Variants in COL25A1 observed in about 807,000 individuals in gnomAD.
COL25A1 encodes the protein collagen type XXV alpha 1 chain.
Under a neutral mutation model 128.4 loss-of-function variants are expected in COL25A1, and 103 were observed. The ratio of observed to expected loss-of-function variants is 0.80; its 90% CI spans 0.68 to 0.94. The LOEUF (loss-of-function observed/expected upper bound fraction) is 0.94, where lower values mean the gene tolerates loss of function less well. Ranked by LOEUF, COL25A1 falls within the 40% of genes least tolerant of loss-of-function variation. COL25A1 has a pLI of 0.00. For missense variants in COL25A1, 745 were observed against 840.0 expected, an observed-to-expected ratio of 0.89 and a Z score of 1.40; for synonymous variants, 279 against 277.2, an observed-to-expected ratio of 1.01 and a Z score of -0.06.
chr4:108,825,305 G>A (rs1255029694), intron 33 of COL25A1, 83 bp from the exon 34 acceptor site: 1 of 1,008,432 alleles, frequency 9.9e-7, no homozygotes, highest in African/African-American at 1.6e-5. Flanking sequence ...GTCTGAACAT[G>A]CAACACTAGT....
chr4:109,109,605 A>G (rs1560708844), intron 3 of COL25A1, among the ~76,000 whole-genome samples: 1 of 152,228 alleles, frequency 6.6e-6, no homozygotes, highest in East Asian at 1.9e-4. Context: ...TCTCCCCGCT[A>G]TCCTCTGCTT....
intron 5 of COL25A1, among the ~76,000 whole-genome samples, chr4:109,047,416 G>A (rs1351760291): frequency 6.6e-6 from 1 of 152,058 alleles, no homozygotes; most frequent in Admixed American, 6.5e-5. Flanking sequence ...TCATAAGTGG[G>A]AGCTAAGCTA....
intron 11 of COL25A1, among the ~76,000 whole-genome samples, chr4:108,924,725 T>A (rs76730752): frequency 1.1e-3 from 161 of 152,336 alleles, no homozygotes; most frequent in African/African-American, 3.8e-3. Context: ...GGTTCATACC[T>A]TTCCCATACT....
At chr4:109,156,052 G>A (rs1771997847) in intron 3 of COL25A1, among the ~76,000 whole-genome samples, 1 of 152,198 alleles carries the variant, frequency 6.6e-6, no homozygotes, top group Non-Finnish European at 1.5e-5. Context: ...TCAAGAGGCA[G>A]AACTGAGCTG....
rs762115166 is a variant in COL25A1, at chr4:109,050,186, T to C, written c.368-7A>G. 1.2e-6 allele frequency: 2 copies of C among 1,604,976 alleles called. No individual in the cohort carries two copies. Among genetic ancestry groups the C allele is most frequent in the East Asian group, 4.5e-5 (2 of 44,582 alleles). Reference sequence around the variant, plus strand: ...CCTCGTTTCCCTGGAGGGCCTGAAATACAAAGGATAATTTTTTTAGTGTAG... The same window carrying C: ...CCTCGTTTCCCTGGAGGGCCTGAAACACAAAGGATAATTTTTTTAGTGTAG... On this transcript the variant is annotated splice_region_variant and splice_polypyrimidine_tract_variant and intron_variant, in intron 3 of 37. Transcript: ENST00000399132.
chr4:108,999,062 G>C (rs556926234), intron 6 of COL25A1, among the ~76,000 whole-genome samples: 341 of 152,040 alleles, frequency 2.2e-3, no homozygotes, highest in African/African-American at 7.9e-3. Flanking sequence ...TGGGCAAAAA[G>C]TTCATGACTA....
In COL25A1 at chr4:108,982,307, G is replaced by T. The variant is rs1229239485; in HGVS notation, c.439-7748C>A. ...GACGGTGGAAATATTTCGAGAATAG[G>T]AAGGTCTAATATAGTCTACCTCTAT... On this transcript the variant is annotated intron_variant, in intron 6 of 37. Transcript: ENST00000399132. Among the ~76,000 whole-genome samples the T allele has an allele frequency of 2.6e-5, 4 of 152,152 alleles. 1 individual carries two copies. Among genetic ancestry groups the T allele is most frequent in the South Asian group, 4.1e-4 (2 of 4,826 alleles).
chr4:108,941,736 AGCAAGT>A (rs1748124348), intron 8 of COL25A1, among the ~76,000 whole-genome samples: 1 of 152,164 alleles, frequency 6.6e-6, no homozygotes, highest in Non-Finnish European at 1.5e-5. Context: ...GAAACAGGTA[AGCAAGT>A]GCACCCCTGC....
At chr4:109,176,317 G>A (rs1304274691) in intron 3 of COL25A1, among the ~76,000 whole-genome samples, 1 of 152,148 alleles carries the variant, frequency 6.6e-6, no homozygotes, top group Non-Finnish European at 1.5e-5. Context: ...TTGAACCTGG[G>A]AGGTGGAGAT....
intron 5 of COL25A1, among the ~76,000 whole-genome samples, chr4:109,036,760 T>C (rs1218010311): frequency 6.6e-6 from 1 of 152,218 alleles, no homozygotes; most frequent in Non-Finnish European, 1.5e-5. Flanking sequence ...GTGAAAGATA[T>C]ATACATTCAG....
chr4:109,076,577 G>A (rs1281013024), intron 3 of COL25A1, among the ~76,000 whole-genome samples: 1 of 152,130 alleles, frequency 6.6e-6, no homozygotes, highest in African/African-American at 2.4e-5. Flanking sequence ...TTTTGTAGAA[G>A]AGAATTTTTC....
intron 32 of COL25A1, among the ~76,000 whole-genome samples, chr4:108,828,023 A>G (rs114752314): frequency 1.4e-3 from 209 of 152,282 alleles, no homozygotes; most frequent in Non-Finnish European, 1.5e-3. Flanking sequence ...TGTTCCCTAT[A>G]GCATCCTTAC....
intron 3 of COL25A1, among the ~76,000 whole-genome samples, chr4:109,172,765 C>G (rs561795628): frequency 1.3e-5 from 2 of 152,298 alleles, no homozygotes; most frequent in East Asian, 3.9e-4. Context: ...ATACAATGTT[C>G]TGTGTGCCTT....
chr4:109,267,359 C>A (rs1240536391), intron 3 of COL25A1, among the ~76,000 whole-genome samples: 2 of 152,012 alleles, frequency 1.3e-5, no homozygotes, highest in Non-Finnish European at 2.9e-5. Context: ...AGTCATGGTA[C>A]ACAAAAAACA....
At chr4:109,235,924 G>A (rs1779446769) in intron 3 of COL25A1, among the ~76,000 whole-genome samples, 2 of 151,900 alleles carry the variant, frequency 1.3e-5, no homozygotes, top group Admixed American at 6.6e-5. Context: ...TTAGCTCTAG[G>A]TGGAATCTCC....
At chr4:108,825,284 T>C in intron 33 of COL25A1, 62 bp from the exon 34 acceptor site, 1 of 1,322,964 alleles carries the variant, frequency 7.6e-7, no homozygotes, top group East Asian at 2.3e-5. Flanking sequence ...ATTATTGCTT[T>C]ATTTAAGGCT....
At chr4:109,012,203 G>A (rs1357730759) in intron 5 of COL25A1, among the ~76,000 whole-genome samples, 2 of 152,190 alleles carry the variant, frequency 1.3e-5, no homozygotes, top group Non-Finnish European at 2.9e-5. Context: ...ATTTTTTTGA[G>A]GTCTTGCTAT....
intron 19 of COL25A1, among the ~76,000 whole-genome samples, chr4:108,878,063 A>C (rs1578634197): frequency 6.6e-6 from 1 of 152,196 alleles, no homozygotes; most frequent in East Asian, 1.9e-4. Flanking sequence ...GAAATGACTC[A>C]TCAGGTGTTT....
intron 11 of COL25A1, among the ~76,000 whole-genome samples, chr4:108,924,081 A>G (rs770884274): frequency 4.6e-5 from 7 of 152,192 alleles, no homozygotes; most frequent in Non-Finnish European, 1.0e-4. Flanking sequence ...TATAATTAGA[A>G]CCTTAAAATA....
Sources: gnomAD v4.1 joint callset for allele counts (sites outside exome capture counted in the v4.1 genomes callset) on GRCh38, gnomAD v4.1.1 for gene constraint, MANE v1.5 for transcripts, NCBI Gene and HGNC (gene_info 2026-07-23, HGNC 2026-07-21) for gene names.